Variants in KDM4C observed in about 807,000 individuals in gnomAD.
The protein encoded by KDM4C is lysine demethylase 4C.
Under a neutral mutation model 129.3 loss-of-function variants are expected in KDM4C, and 81 were observed. The ratio of observed to expected loss-of-function variants is 0.63; its 90% CI spans 0.52 to 0.75. KDM4C has a LOEUF of 0.75. Among genes scored for constraint, KDM4C ranks in the 30% least tolerant of loss-of-function variants. The pLI, the probability that KDM4C is intolerant of heterozygous loss-of-function variation, is 0.00. For synonymous variants in KDM4C, 573 were observed against 456.1 expected, an observed-to-expected ratio of 1.26 and a Z score of -3.26; for missense variants, 1,457 against 1,304.0, an observed-to-expected ratio of 1.12 and a Z score of -1.81.
chr9:7,170,814 T>A, intron 21 of KDM4C: 1 of 967,772 alleles, frequency 1.0e-6, no homozygotes, highest in Non-Finnish European at 1.2e-6. Context: ...AGGGTTTTCT[T>A]AAATCAGGGA....
At chr9:7,031,954 AT>A (rs1478833595) in intron 15 of KDM4C, among the ~76,000 whole-genome samples, 2 of 152,192 alleles carry the variant, frequency 1.3e-5, no homozygotes, top group African/African-American at 4.8e-5. Context: ...GTTGAAAAAT[AT>A]TTATCAGACC....
Position 6,805,743 on chromosome 9 carries a change from A to G in KDM4C, c.289A>G (p.Lys97Glu). 1.2e-6 allele frequency: 2 copies of G among 1,613,528 alleles called. No individual in the cohort carries two copies. Among genetic ancestry groups the G allele is most frequent in the Non-Finnish European group, 1.7e-6 (2 of 1,179,900 alleles). The change falls in exon 3 of 22, where the codon AAG becomes GAG. Residue 97 changes from lysine (K) to glutamate (E), a missense_variant. By Grantham distance (56) the Lys-to-Glu change is moderately conservative. Transcript: ENST00000381309. Reference protein sequence around the residue: ...YNIQKKAMTVKEFRQLANSGK... With the variant: ...YNIQKKAMTVEEFRQLANSGK... ...CATCCAGAAAAAAGCGATGACTGTG[A>G]AGGAGTTCAGGCAGCTGGCCAACAG...
chr9:6,930,195 A>G (rs1386200405), intron 8 of KDM4C, among the ~76,000 whole-genome samples: 1 of 152,188 alleles, frequency 6.6e-6, no homozygotes, highest in Non-Finnish European at 1.5e-5. Flanking sequence ...GGTCAGATTC[A>G]GCCACTGATG....
In KDM4C at chr9:7,095,730, G is replaced by A. The variant is rs575882348; in HGVS notation, c.2425-7955G>A. 9.2e-5 allele frequency among the ~76,000 whole-genome samples: 14 copies of A among 152,282 alleles called. No individual in the cohort carries two copies. The South Asian group carries it at 2.5e-3, about 27-fold the overall frequency. On this transcript the variant is annotated intron_variant, in intron 17 of 21. Transcript: ENST00000381309. ...TCTTCTAAGTAATAAGTAATTAAAC[G>A]AATCTGGGTAGATTTTTATAGGGTG... is the stretch of plus-strand genomic sequence containing the variant.
chr9:7,024,561 C>T (rs570491732), intron 15 of KDM4C, among the ~76,000 whole-genome samples: 2 of 151,544 alleles, frequency 1.3e-5, no homozygotes, highest in African/African-American at 4.9e-5. Flanking sequence ...TCAATTCCCA[C>T]CTGTGAGTGA....
chr9:7,082,165 GC>G (rs974839270), intron 17 of KDM4C, among the ~76,000 whole-genome samples: 4 of 126,258 alleles, frequency 3.2e-5, no homozygotes, highest in African/African-American at 1.1e-4. Flanking sequence ...CTCACATGGG[GC>G]CTGAGTTTAT....
chr9:6,881,799 A>T lies in KDM4C; in HGVS notation c.679+1738A>T, dbSNP rs570617442. Among the ~76,000 whole-genome samples, 42 of 152,344 alleles carry T rather than the reference A, an allele frequency of 2.8e-4. 2 individuals are homozygous for T. The South Asian group carries it at 8.7e-3, about 32-fold the overall frequency. On this transcript the variant is annotated intron_variant, in intron 6 of 21. Transcript: ENST00000381309. Reference sequence around the variant, plus strand: ...TAAAGCAGGGAAAAGACCCTGCAAGATAGTGAAGGATTTGTATCTGATGAC... The same window carrying T: ...TAAAGCAGGGAAAAGACCCTGCAAGTTAGTGAAGGATTTGTATCTGATGAC...
At chr9:7,034,893 T>C (rs1827366785) in intron 15 of KDM4C, among the ~76,000 whole-genome samples, 2 of 152,230 alleles carry the variant, frequency 1.3e-5, no homozygotes, top group Admixed American at 1.3e-4. Context: ...GGATAACTCA[T>C]TGTAGTTTTG....
intron 1 of KDM4C, among the ~76,000 whole-genome samples, chr9:6,767,944 A>G (rs942578834): frequency 3.3e-5 from 5 of 151,898 alleles, no homozygotes; most frequent in Non-Finnish European, 4.4e-5. Flanking sequence ...TTTGTATTAT[A>G]TATACACACA....
intron 12 of KDM4C, among the ~76,000 whole-genome samples, chr9:7,004,971 G>C (rs555289419): frequency 3.9e-5 from 6 of 152,090 alleles, no homozygotes; most frequent in African/African-American, 7.2e-5. Context: ...CTGAGTGTCC[G>C]GGCTACTTAG....
At chr9:6,764,618 G>A (rs1197621058) in intron 1 of KDM4C, among the ~76,000 whole-genome samples, 1 of 152,170 alleles carries the variant, frequency 6.6e-6, no homozygotes, top group Admixed American at 6.6e-5. Context: ...CTGTTGCACT[G>A]TATACTGTTC....
At chr9:7,013,511 A>G (rs749325277) in intron 13 of KDM4C, among the ~76,000 whole-genome samples, 1 of 152,216 alleles carries the variant, frequency 6.6e-6, no homozygotes. Context: ...GATGCTTTCC[A>G]CGAACTAATT....
intron 17 of KDM4C, among the ~76,000 whole-genome samples, chr9:7,090,814 G>T (rs1835705517): frequency 6.6e-6 from 1 of 152,190 alleles, no homozygotes; most frequent in Non-Finnish European, 1.5e-5. Context: ...GATATGTCCA[G>T]TGTGTCCAGC....
At chr9:7,007,685 G>A (rs1821927582) in intron 12 of KDM4C, among the ~76,000 whole-genome samples, 1 of 152,044 alleles carries the variant, frequency 6.6e-6, no homozygotes, top group Admixed American at 6.6e-5. Context: ...GTCTCAGGAA[G>A]CCTTATGTTC....
intron 19 of KDM4C, among the ~76,000 whole-genome samples, chr9:7,161,113 C>T (rs757893626): frequency 1.1e-4 from 17 of 152,050 alleles, no homozygotes; most frequent in Non-Finnish European, 2.2e-4. Flanking sequence ...GAGCAAGGCT[C>T]CATGGCCACG....
intron 5 of KDM4C, among the ~76,000 whole-genome samples, chr9:6,877,965 A>G (rs1843822447): frequency 6.6e-6 from 1 of 152,242 alleles, no homozygotes; most frequent in Non-Finnish European, 1.5e-5. Context: ...TTATTTAAAT[A>G]CTGTGTAACA....
At chr9:7,125,721 G>T (rs75760205) in intron 18 of KDM4C, among the ~76,000 whole-genome samples, 2,244 of 152,306 alleles carry the variant, frequency 0.015, 60 homozygotes, top group African/African-American at 0.051. Flanking sequence ...AAAGACTGGG[G>T]TTTAATGAGT....
At chr9:6,967,258 T>C (rs1270929162) in intron 8 of KDM4C, among the ~76,000 whole-genome samples, 1 of 151,838 alleles carries the variant, frequency 6.6e-6, no homozygotes, top group Non-Finnish European at 1.5e-5. Flanking sequence ...ACCTCGTCTC[T>C]ATTAAAAATA....
At chr9:6,757,017 A>T (rs1348820270), upstream of KDM4C, among the ~76,000 whole-genome samples, 1 of 152,216 alleles carries the variant, frequency 6.6e-6, no homozygotes, top group African/African-American at 2.4e-5. Flanking sequence ...CAAGGGACCC[A>T]GCTGGGAGCT....
Sources: allele counts gnomAD v4.1 joint callset (sites outside exome capture counted in the v4.1 genomes callset), GRCh38; gene constraint gnomAD v4.1.1; transcripts MANE v1.5; gene names NCBI Gene and HGNC (gene_info 2026-07-23, HGNC 2026-07-21).